Variants in TESC observed in about 807,000 individuals in gnomAD.
The protein encoded by TESC is calcineurin B homologous protein 3.
TESC carries 19 observed loss-of-function variants against 31.0 expected under a neutral mutation model. The observed-to-expected ratio is 0.61, with a 90% CI of 0.43 to 0.90. TESC has a LOEUF of 0.90. Ranked by LOEUF, TESC falls within the 40% of genes least tolerant of loss-of-function variation. The probability of loss-of-function intolerance (pLI) is 0.00; values close to 1 mark genes in which losing one functional copy is unlikely to be tolerated. For missense variants in TESC, 248 were observed against 303.8 expected (o/e 0.82, Z 1.36); for synonymous variants, 109 against 114.8 (o/e 0.95, Z 0.32).
At chr12:117,055,616 CAGTT>C (rs1954710835) in intron 3 of TESC, among the ~76,000 whole-genome samples, 1 of 152,192 alleles carries the variant, frequency 6.6e-6, no homozygotes, top group Non-Finnish European at 1.5e-5. Flanking sequence ...TTCCGAGATT[CAGTT>C]ACAAAAAGAT....
At chr12:117,059,147 T>C (rs1954769016) in intron 2 of TESC, among the ~76,000 whole-genome samples, 1 of 152,116 alleles carries the variant, frequency 6.6e-6, no homozygotes, top group Non-Finnish European at 1.5e-5. Context: ...GATTCAACAC[T>C]AGGACAGACA....
At position 117,066,999 on chromosome 12, in the gene TESC, A is replaced by G. The variant is rs549582113; in HGVS notation, c.128+8272T>C. Among the ~76,000 whole-genome samples, 12 of 152,134 alleles carry G rather than the reference A, an allele frequency of 7.9e-5. No homozygotes were observed. In the South Asian group the frequency reaches 1.0e-3, roughly 13 times the overall value. On this transcript the variant is annotated intron_variant, in intron 2 of 7. Transcript: ENST00000335209. Reference sequence around the variant, plus strand: ...ACGCCTCCGCACCTTTTCACACCAAACTACCCCCTTGGTGGCTCTCCTCAC... The same window carrying G: ...ACGCCTCCGCACCTTTTCACACCAAGCTACCCCCTTGGTGGCTCTCCTCAC...
intron 1 of TESC, among the ~76,000 whole-genome samples, chr12:117,083,057 A>G (rs1046357631): frequency 6.6e-6 from 1 of 151,770 alleles, no homozygotes; most frequent in Non-Finnish European, 1.5e-5. Context: ...ACACAGAATT[A>G]CCATGTAATC....
intron 2 of TESC, among the ~76,000 whole-genome samples, chr12:117,059,116 C>T (rs962505999): frequency 5.3e-5 from 8 of 152,204 alleles, no homozygotes; most frequent in South Asian, 2.1e-4. Context: ...GAAGTGATGA[C>T]GGGACAGTCA....
intron 2 of TESC, among the ~76,000 whole-genome samples, chr12:117,068,952 T>G (rs1954924888): frequency 6.6e-6 from 1 of 152,242 alleles, no homozygotes; most frequent in South Asian, 2.1e-4. Flanking sequence ...TATTTCTGTA[T>G]TTTCTTCATT....
At chr12:117,091,735 C>T (rs920779841) in intron 1 of TESC, among the ~76,000 whole-genome samples, 1 of 152,246 alleles carries the variant, frequency 6.6e-6, no homozygotes, top group African/African-American at 2.4e-5. Flanking sequence ...CTTGTTCTCC[C>T]TGGGGGCAAC....
At chr12:117,074,466 T>C (rs921946557) in intron 2 of TESC, among the ~76,000 whole-genome samples, 1 of 152,158 alleles carries the variant, frequency 6.6e-6, no homozygotes, top group Non-Finnish European at 1.5e-5. Flanking sequence ...TCTAAAAGAT[T>C]AACAAAACAC....
In TESC at chr12:117,069,457, TG is replaced by T. The variant is rs1325286781; in HGVS notation, c.128+5813del. Reference sequence around the variant, plus strand: ...TTTCACCATGTTGGCCAGGCTGGTCTGGAACTCCTGACCTCAAGTGATCCGC... The same window carrying T: ...TTTCACCATGTTGGCCAGGCTGGTCTGAACTCCTGACCTCAAGTGATCCGC... On this transcript the variant is annotated intron_variant, in intron 2 of 7. Coordinates refer to ENST00000335209, the MANE Select transcript of TESC (RefSeq NM_017899.4). 2.0e-5 allele frequency among the ~76,000 whole-genome samples: 3 copies of T among 152,304 alleles called. No individual in the cohort carries two copies. In the East Asian group the frequency reaches 5.8e-4, roughly 29 times the overall value.
At chr12:117,093,245 C>T (rs1032098249) in intron 1 of TESC, among the ~76,000 whole-genome samples, 1 of 152,138 alleles carries the variant, frequency 6.6e-6, no homozygotes, top group Non-Finnish European at 1.5e-5. Context: ...GTGAATGAGC[C>T]GAGGCCACCG....
chr12:117,094,524 T>C (rs1424569575), intron 1 of TESC, among the ~76,000 whole-genome samples: 1 of 152,156 alleles, frequency 6.6e-6, no homozygotes, highest in African/African-American at 2.4e-5. Flanking sequence ...CTTTCTGCTC[T>C]AGGGAGCTCC....
At chr12:117,082,152 T>G (rs1340072706) in intron 1 of TESC, among the ~76,000 whole-genome samples, 1 of 151,664 alleles carries the variant, frequency 6.6e-6, no homozygotes, top group Non-Finnish European at 1.5e-5. Context: ...GAGGTTGCAG[T>G]GAGCCAAGAT....
intron 1 of TESC, among the ~76,000 whole-genome samples, chr12:117,089,677 A>G (rs1166232142): frequency 6.6e-6 from 1 of 152,194 alleles, no homozygotes; most frequent in Non-Finnish European, 1.5e-5. Flanking sequence ...AGAATTAGTG[A>G]ACTGGAAGAT....
At chr12:117,075,133 G>GA (rs2135784416) in intron 2 of TESC, 138 bp downstream of exon 2, 1 of 879,876 alleles carries the variant, frequency 1.1e-6, no homozygotes, top group South Asian at 1.8e-5. Context: ...GCGACGGAGC[G>GA]AGACTCCATC....
chr12:117,085,002 T>C (rs560952710), intron 1 of TESC, among the ~76,000 whole-genome samples: 1 of 152,298 alleles, frequency 6.6e-6, no homozygotes, highest in South Asian at 2.1e-4. Flanking sequence ...CTGCTAGAAA[T>C]GCACATCCCC....
At chr12:117,088,636 G>A (rs1226867507) in intron 1 of TESC, among the ~76,000 whole-genome samples, 1 of 149,344 alleles carries the variant, frequency 6.7e-6, no homozygotes, top group East Asian at 2.0e-4. Context: ...AGCCGAGATT[G>A]TGCCACTGCA....
At chr12:117,064,814 G>C (rs748979431) in intron 2 of TESC, among the ~76,000 whole-genome samples, 4 of 152,234 alleles carry the variant, frequency 2.6e-5, no homozygotes, top group Non-Finnish European at 5.9e-5. Flanking sequence ...CATGTGTCCA[G>C]CTGGTGGGGA....
intron 6 of TESC, 50 bp from the exon 7 acceptor site, chr12:117,042,044 A>T (rs1315854734): frequency 2.2e-5 from 34 of 1,554,630 alleles, no homozygotes; most frequent in Non-Finnish European, 3.0e-5. Context: ...GTCCCCACAC[A>T]GCTTCCGCAG....
At chr12:117,071,981 AG>A (rs1334016180) in intron 2 of TESC, among the ~76,000 whole-genome samples, 2 of 152,212 alleles carry the variant, frequency 1.3e-5, no homozygotes, top group African/African-American at 4.8e-5. Flanking sequence ...CAAGATTCCC[AG>A]GTGATTCGAG....
chr12:117,049,002 G>A lies in TESC; in HGVS notation c.349+17C>T. The stretch of plus-strand genomic sequence containing the variant: ...ACCCCAGGCCAGGTGTGAGCAAGGG[G>A]ACTCAGTGGCACGCACATCTCAGCT... On this transcript the variant is annotated intron_variant, in intron 4 of 7. Transcript: ENST00000335209. 1.2e-6 allele frequency: 2 copies of A among 1,614,066 alleles called. No individual in the cohort carries two copies. The highest frequency in any genetic ancestry group is 1.7e-6 in the Non-Finnish European group (2 of 1,179,992).
Sources: allele counts gnomAD v4.1 joint callset (sites outside exome capture counted in the v4.1 genomes callset), GRCh38; gene constraint gnomAD v4.1.1; transcripts MANE v1.5; gene names NCBI Gene and HGNC (gene_info 2026-07-23, HGNC 2026-07-21).